TTYH3: variants seen among roughly 807,000 people sequenced by gnomAD.
TTYH3 encodes the protein tweety family member 3, also known as protein tweety homolog 3.
A neutral mutation model predicts 68.2 loss-of-function variants in TTYH3; 23 were observed. The observed-to-expected ratio is 0.34, with a 90% CI of 0.24 to 0.48. The LOEUF is 0.48. Ranked by LOEUF, TTYH3 falls within the 20% of genes least tolerant of loss-of-function variation. The pLI is 0.99. For synonymous variants in TTYH3, 360 were observed against 332.8 expected (o/e 1.08, Z -0.89); for missense variants, 768 against 727.7 (o/e 1.06, Z -0.64).
chr7:2,661,332 G>A (rs1192485002), intron 13 of TTYH3, among the ~76,000 whole-genome samples: 1 of 152,170 alleles, frequency 6.6e-6, no homozygotes, highest in African/African-American at 2.4e-5. Flanking sequence ...GCTCCTGGGG[G>A]TGGCAGAACT....
At chr7:2,658,505 G>A (rs750341374) in intron 12 of TTYH3, 46 bp downstream of exon 12, 16 of 1,566,022 alleles carry the variant, frequency 1.0e-5, no homozygotes, top group East Asian at 4.6e-5. Context: ...CGTCAGCTGC[G>A]GCTGAGAGCG....
intron 9 of TTYH3, among the ~76,000 whole-genome samples, 153 bp from the exon 10 acceptor site, chr7:2,655,939 C>T (rs1786320344): frequency 6.6e-6 from 1 of 152,292 alleles, no homozygotes; most frequent in South Asian, 2.1e-4. Flanking sequence ...AGTCCTTGTC[C>T]TCAGGACCTG....
At chr7:2,657,685 G>A (rs957065925) in intron 11 of TTYH3, among the ~76,000 whole-genome samples, 1 of 152,134 alleles carries the variant, frequency 6.6e-6, no homozygotes, top group Non-Finnish European at 1.5e-5. Flanking sequence ...TGTCGAGTGG[G>A]CACTTGAGCC....
chr7:2,654,114 G>A (rs1396659278), intron 9 of TTYH3, among the ~76,000 whole-genome samples: 1 of 152,168 alleles, frequency 6.6e-6, no homozygotes, highest in East Asian at 1.9e-4. Context: ...ACACACACGG[G>A]GCCGGGCACG....
At chr7:2,647,758 A>G in intron 4 of TTYH3, 120 bp downstream of exon 4, 1 of 1,183,312 alleles carries the variant, frequency 8.5e-7, no homozygotes, top group Non-Finnish European at 1.2e-6. Flanking sequence ...GCCCAGGGCC[A>G]CTGGAGGTCA....
At chr7:2,653,051 C>G (rs906671228) in intron 9 of TTYH3, 41 bp downstream of exon 9, 1 of 1,518,890 alleles carries the variant, frequency 6.6e-7, no homozygotes, top group Non-Finnish European at 8.9e-7. Context: ...GGCAGGGCTC[C>G]TCTTTTCTCA....
rs375835220 is a variant in TTYH3 at position 2,652,075 on chromosome 7, G to A, written c.872-112G>A. ...TGCACACAGACACACATGCACACAT[G>A]TAAACATGCACGCAGATGCCCTGAA... On this transcript the variant is annotated intron_variant, in intron 7 of 13. Coordinates refer to ENST00000258796, the MANE Select transcript of TTYH3 (RefSeq NM_025250.3). 9.0e-6 allele frequency: 8 copies of A among 886,662 alleles called. No individual in the cohort carries two copies. The African/African-American group carries it at 9.8e-5, about 11-fold the overall frequency. 54.9% of individuals were successfully genotyped at this position (886,662 alleles called of 1,614,324 possible). A position where few individuals can be genotyped will look rare whatever the true frequency, so the allele number is the denominator to read the frequency against.
Position 2,658,923 on chromosome 7 carries a change from C to T in TTYH3, c.1425-17C>T. ...TGGCCAGCAGGCACTCACAGCCTCT[C>T]TCCCCTCATGCCTCAGGAGCCAGAA... On this transcript the variant is annotated splice_polypyrimidine_tract_variant and intron_variant, in intron 12 of 13. Coordinates refer to ENST00000258796, the MANE Select transcript of TTYH3 (RefSeq NM_025250.3). 1 of 1,613,564 alleles carries T rather than the reference C, an allele frequency of 6.2e-7. No individual in the cohort carries two copies. Among genetic ancestry groups the T allele is most frequent in the Non-Finnish European group, 8.5e-7 (1 of 1,179,598 alleles).
intron 7 of TTYH3, among the ~76,000 whole-genome samples, 179 bp from the exon 8 acceptor site, chr7:2,652,008 C>T (rs1482855764): frequency 5.3e-5 from 8 of 152,298 alleles, no homozygotes; most frequent in Non-Finnish European, 1.0e-4. Context: ...GACACATGCA[C>T]GTGTAAGTAA....
In TTYH3 at chr7:2,649,940, G is replaced by T; in HGVS notation, c.823G>T (p.Asp275Tyr). Residue 275 changes from aspartate to tyrosine, a missense_variant, in exon 7 of 14, where the codon GAC becomes TAC. Transcript: ENST00000258796. The stretch of plus-strand genomic sequence containing the variant: ...CTCCAGCGACTTCTGTGTGGACCCT[G>T]ACGCCTACGTGACCAAAATGGTGGA... ...VGSSDFCVDP[D>Y]AYVTKMVEEY... 1 of 1,614,038 alleles carries T rather than the reference G, an allele frequency of 6.2e-7. No individual in the cohort carries two copies. The highest frequency in any genetic ancestry group is 8.5e-7 in the Non-Finnish European group (1 of 1,179,964).
rs1289017949 is a variant in TTYH3 at position 2,664,627 on chromosome 7, A to G, written c.*2888A>G. ...CCCCTCCTCCAGCCTCTGTAGGGCC[A>G]TGGCTGTATGTACTGTCGCTGTGTT... On this transcript the variant is annotated 3_prime_UTR_variant, in exon 14 of 14. Transcript: ENST00000258796. 1 of 151,602 alleles carries G rather than the reference A, an allele frequency of 6.6e-6. No individual in the cohort carries two copies. The highest frequency in any genetic ancestry group is 2.4e-5 in the African/African-American group (1 of 41,038). 9.4% of individuals were successfully genotyped at this position (151,602 alleles called of 1,614,324 possible).
intron 11 of TTYH3, among the ~76,000 whole-genome samples, chr7:2,657,586 T>C (rs896979336): frequency 1.3e-5 from 2 of 152,182 alleles, no homozygotes; most frequent in African/African-American, 4.8e-5. Flanking sequence ...TCAGATTCTG[T>C]CTCTATCCTT....
chr7:2,639,278 C>G (rs1442987864), intron 1 of TTYH3, among the ~76,000 whole-genome samples: 1 of 152,206 alleles, frequency 6.6e-6, no homozygotes, highest in Admixed American at 6.5e-5. Flanking sequence ...CAGGGCCTGG[C>G]TGGTCCCTGC....
At chr7:2,649,671 G>T (rs1786107079) in intron 6 of TTYH3, 32 bp downstream of exon 6, 2 of 1,579,434 alleles carry the variant, frequency 1.3e-6, no homozygotes. Flanking sequence ...GTCCCCGGCT[G>T]CTGGACCTGG....
Position 2,632,040 on chromosome 7 carries a change from C to T in TTYH3, c.-116C>T, listed in dbSNP as rs941828583. 5.2e-6 allele frequency: 5 copies of T among 957,660 alleles called. No individual in the cohort carries two copies. Among genetic ancestry groups the T allele is most frequent in the Non-Finnish European group, 6.6e-6 (5 of 762,500 alleles). The allele number at this position is 957,660 out of a possible 1,614,324, so 59.3% of individuals were successfully genotyped here. A position where few individuals can be genotyped will look rare whatever the true frequency, so the allele number is the denominator to read the frequency against. ...AGCCGGGCCGGGCCGGGCCCAGGAGCGCGCGGATGATGCGGGCGGCCAGGC... is the reference window on the plus strand; with the variant it reads ...AGCCGGGCCGGGCCGGGCCCAGGAGTGCGCGGATGATGCGGGCGGCCAGGC... On this transcript the variant is annotated 5_prime_UTR_variant, in exon 1 of 14. Transcript: ENST00000258796.
chr7:2,639,827 G>C (rs939138602), intron 1 of TTYH3, among the ~76,000 whole-genome samples: 1 of 152,136 alleles, frequency 6.6e-6, no homozygotes, highest in East Asian at 1.9e-4. Flanking sequence ...GAGCTGGCAC[G>C]AGGGGCGGGG....
rs2114986679 is a variant in TTYH3, at chr7:2,648,021, G to T, written c.689G>T (p.Gly230Val). 6.2e-7 allele frequency: 1 copy of T among 1,610,744 alleles called. No individual in the cohort carries two copies. Among genetic ancestry groups the T allele is most frequent in the Non-Finnish European group, 8.5e-7 (1 of 1,179,856 alleles). The change falls in exon 5 of 14, where the codon GGC (glycine) becomes GTC (valine). Residue 230 changes from glycine (G) to valine (V), a missense_variant. Coordinates refer to ENST00000258796, the MANE Select transcript of TTYH3 (RefSeq NM_025250.3). ...DVIICLLVLV[G>V]LIRSSKGILV... ...ATCATCTGCCTCCTGGTGCTGGTTG[G>T]CCTCATCCGCAGCTCCAAGGGCATC...
At chr7:2,659,880 T>C (rs1786442809) in intron 13 of TTYH3, 3 of 1,277,220 alleles carry the variant, frequency 2.3e-6, no homozygotes, top group African/African-American at 1.5e-5. Flanking sequence ...CACCCTGGCG[T>C]TGAGGCCACA....
At chr7:2,659,127 CAGCTGTGAGCTG>C in intron 13 of TTYH3, 112 bp downstream of exon 13, 3 of 1,058,512 alleles carry the variant, frequency 2.8e-6, no homozygotes, top group Non-Finnish European at 2.8e-6. Context: ...GCTCTGGGGG[CAGCTGTGAGCTG>C]CCACCACCGG....
Sources: gnomAD v4.1 joint callset for allele counts (sites outside exome capture counted in the v4.1 genomes callset) on GRCh38, gnomAD v4.1.1 for gene constraint, MANE v1.5 for transcripts, NCBI Gene and HGNC (gene_info 2026-07-23, HGNC 2026-07-21) for gene names.